CAMK2B: variants seen among roughly 807,000 people sequenced by gnomAD.
The protein encoded by CAMK2B is calcium/calmodulin-dependent protein kinase type II subunit beta.
CAMK2B carries 27 observed loss-of-function variants against 93.7 expected under a neutral mutation model. That is an observed-to-expected ratio of 0.29 (90% confidence interval 0.21 to 0.40). The LOEUF (loss-of-function observed/expected upper bound fraction) is 0.40. CAMK2B is among the 10% of genes least tolerant of loss of function. The probability of loss-of-function intolerance (pLI) is 1.00; values close to 1 mark genes in which losing one functional copy is unlikely to be tolerated. For missense variants in CAMK2B, 568 were observed against 895.8 expected, an observed-to-expected ratio of 0.63 and a Z score of 4.67; for synonymous variants, 374 against 358.8, an observed-to-expected ratio of 1.04 and a Z score of -0.48.
At chr7:44,245,943 TGAA>T (rs2096725548) in intron 6 of CAMK2B, among the ~76,000 whole-genome samples, 1 of 151,864 alleles carries the variant, frequency 6.6e-6, no homozygotes, top group Admixed American at 6.5e-5. Flanking sequence ...AAGGTGGGGT[TGAA>T]GAAGGAGGAA....
chr7:44,274,177 T>C (rs190286257), intron 2 of CAMK2B, among the ~76,000 whole-genome samples: 1 of 152,290 alleles, frequency 6.6e-6, no homozygotes, highest in African/African-American at 2.4e-5. Context: ...TGTAGGCTAA[T>C]CACTCCACAC....
chr7:44,236,479 T>C (rs1362972364), intron 13 of CAMK2B, among the ~76,000 whole-genome samples: 2 of 152,216 alleles, frequency 1.3e-5, no homozygotes, highest in Non-Finnish European at 2.9e-5. Flanking sequence ...AGGCCCCTCC[T>C]GGTGAAGCTG....
chr7:44,285,548 G>A (rs896792238), intron 1 of CAMK2B, among the ~76,000 whole-genome samples: 6 of 152,224 alleles, frequency 3.9e-5, no homozygotes, highest in African/African-American at 9.6e-5. Flanking sequence ...GGTGGAAGAG[G>A]AGCGTCTTAC....
intron 1 of CAMK2B, among the ~76,000 whole-genome samples, chr7:44,305,797 C>G (rs1185477155): frequency 6.6e-6 from 1 of 152,220 alleles, no homozygotes; most frequent in African/African-American, 2.4e-5. Flanking sequence ...AAGGCAGAGG[C>G]AGTGGGTGTC....
At chr7:44,250,381 C>A (rs75570265) in intron 5 of CAMK2B, among the ~76,000 whole-genome samples, 1 of 152,180 alleles carries the variant, frequency 6.6e-6, no homozygotes, top group East Asian at 1.9e-4. Context: ...ATGTTTTGAA[C>A]AGTTTAAGAT....
chr7:44,266,267 G>A (rs963859855), intron 2 of CAMK2B, among the ~76,000 whole-genome samples: 2 of 152,150 alleles, frequency 1.3e-5, no homozygotes, highest in Non-Finnish European at 2.9e-5. Flanking sequence ...TCTCCACCTG[G>A]CTCAGACAGC....
At chr7:44,229,011 C>T (rs1335667402) in intron 18 of CAMK2B, 87 bp from the exon 19 acceptor site, 1 of 1,272,632 alleles carries the variant, frequency 7.9e-7, no homozygotes, top group East Asian at 2.4e-5. Context: ...GGAGGGGTCC[C>T]GTGTTCTAGA....
upstream of CAMK2B, chr7:44,325,805 C>G (rs1397190263): frequency 3.3e-5 from 5 of 152,182 alleles, no homozygotes; most frequent in Admixed American, 2.0e-4. Context: ...ACCCTTGCCC[C>G]GCACCCGCAA....
intron 1 of CAMK2B, among the ~76,000 whole-genome samples, chr7:44,300,057 T>TGC (rs1789515539): frequency 1.3e-5 from 2 of 151,326 alleles, no homozygotes; most frequent in Admixed American, 1.3e-4. Flanking sequence ...TGTGTGTGTG[T>TGC]GTATGTAGTT....
intron 3 of CAMK2B, among the ~76,000 whole-genome samples, chr7:44,260,430 C>T (rs2096870450): frequency 6.6e-6 from 1 of 152,154 alleles, no homozygotes; most frequent in Admixed American, 6.5e-5. Context: ...AAATGCCCTC[C>T]ACCAAGGGCA....
chr7:44,296,528 AT>A (rs1788367380), intron 1 of CAMK2B, among the ~76,000 whole-genome samples: 2 of 152,256 alleles, frequency 1.3e-5, no homozygotes, highest in South Asian at 4.1e-4. Flanking sequence ...ATTTGAAGTA[AT>A]GTTGACTGAG....
intron 17 of CAMK2B, chr7:44,230,094 A>T (rs1281238975): frequency 6.6e-6 from 1 of 152,146 alleles, no homozygotes; most frequent in East Asian, 1.9e-4. Context: ...ACTGCTCAGC[A>T]CCCCACTCGG....
chr7:44,230,645 G>A (rs999844528), intron 17 of CAMK2B, among the ~76,000 whole-genome samples: 1 of 152,226 alleles, frequency 6.6e-6, no homozygotes, highest in Non-Finnish European at 1.5e-5. Context: ...GGACAGAAAC[G>A]CAAGCTTAAG....
At chr7:44,245,096 C>T (rs1255479327) in intron 6 of CAMK2B, 1 of 397,256 alleles carries the variant, frequency 2.5e-6, no homozygotes, top group Non-Finnish European at 5.1e-6. Flanking sequence ...TGCATGTCCC[C>T]CCTCCCCAGA....
At chr7:44,263,242 G>C (rs1485202406) in intron 2 of CAMK2B, among the ~76,000 whole-genome samples, 178 bp from the exon 3 acceptor site, 4 of 152,230 alleles carry the variant, frequency 2.6e-5, no homozygotes, top group Non-Finnish European at 5.9e-5. Context: ...GGCAAGGCTG[G>C]GGCAGGGACC....
chr7:44,272,796 G>T (rs2129060792), intron 2 of CAMK2B, among the ~76,000 whole-genome samples: 1 of 152,340 alleles, frequency 6.6e-6, no homozygotes, highest in African/African-American at 2.4e-5. Flanking sequence ...TTCCCTCCAT[G>T]GGGTCCACTT....
intron 1 of CAMK2B, among the ~76,000 whole-genome samples, chr7:44,321,605 T>G (rs1421969841): frequency 1.3e-5 from 2 of 152,156 alleles, no homozygotes; most frequent in Non-Finnish European, 2.9e-5. Context: ...ATGTACACAT[T>G]AGGTGTTGTT....
Position 44,300,014 on chromosome 7 carries a change from A to G in CAMK2B, c.66-15789T>C, listed in dbSNP as rs377259228. Among the ~76,000 whole-genome samples, 145 of 125,196 alleles carry G rather than the reference A, an allele frequency of 1.2e-3. No individual in the cohort carries two copies. In the Middle Eastern group the frequency reaches 0.034, roughly 29 times the overall value. The allele number at this position is 125,196 out of a possible 152,430, so 82.1% of individuals were successfully genotyped here. ...TATGTATATATGTATGTATATGTGT[A>G]TGTGTCTGTGTGTGTGTGTGTGTGT... On this transcript the variant is annotated intron_variant, in intron 1 of 23. Transcript: ENST00000395749.
intron 2 of CAMK2B, among the ~76,000 whole-genome samples, chr7:44,273,852 T>C (rs2097001391): frequency 1.3e-5 from 2 of 152,128 alleles, no homozygotes; most frequent in South Asian, 4.1e-4. Context: ...CCTGAGCAGA[T>C]GCCTGGGGAC....
Sources: gnomAD v4.1 joint callset for allele counts (sites outside exome capture counted in the v4.1 genomes callset) on GRCh38, gnomAD v4.1.1 for gene constraint, MANE v1.5 for transcripts, NCBI Gene and HGNC (gene_info 2026-07-23, HGNC 2026-07-21) for gene names.